The following THBS4 variants were observed in gnomAD, a reference collection of about 807,000 sequenced individuals.
THBS4 encodes thrombospondin 4.
In THBS4, 90 loss-of-function variants were observed where a neutral mutation model predicts 115.7. The observed-to-expected ratio is 0.78, with a 90% CI of 0.66 to 0.93. The LOEUF (loss-of-function observed/expected upper bound fraction) is 0.93, where lower values mean the gene tolerates loss of function less well. Among genes scored for constraint, THBS4 ranks in the 40% least tolerant of loss-of-function variants. The pLI is 0.00. For synonymous variants in THBS4, 460 were observed against 479.3 expected (o/e 0.96, Z 0.53); for missense variants, 1,087 against 1,232.7 (o/e 0.88, Z 1.77).
intron 5 of THBS4, 94 bp downstream of exon 5, chr5:80,058,884 G>T: frequency 8.0e-7 from 1 of 1,242,616 alleles, no homozygotes. Context: ...AGGCACGGGG[G>T]CAGCCTCTGA....
At chr5:80,052,224 TA>T (rs1260063577) in intron 2 of THBS4, 2 of 152,228 alleles carry the variant, frequency 1.3e-5, no homozygotes, top group Admixed American at 6.5e-5. Flanking sequence ...TATATGGTTC[TA>T]ATTTCCAGCT....
intron 1 of THBS4, among the ~76,000 whole-genome samples, chr5:80,039,683 GA>G (rs1832831375): frequency 6.6e-6 from 1 of 152,214 alleles, no homozygotes; most frequent in East Asian, 1.9e-4. Context: ...CTCCGTGACA[GA>G]AATTCACTGC....
At chr5:80,079,606 A>G (rs1456398365) in intron 19 of THBS4, among the ~76,000 whole-genome samples, 3 of 152,246 alleles carry the variant, frequency 2.0e-5, no homozygotes, top group Non-Finnish European at 2.9e-5. Flanking sequence ...CTGCTAGGAC[A>G]CAAGGCTGAC....
chr5:80,047,345 C>A (rs1833101450), intron 2 of THBS4, among the ~76,000 whole-genome samples: 1 of 152,140 alleles, frequency 6.6e-6, no homozygotes, highest in Non-Finnish European at 1.5e-5. Flanking sequence ...AAAAGAGTCA[C>A]CAAAAGAGCA....
intron 2 of THBS4, among the ~76,000 whole-genome samples, chr5:80,023,693 T>A (rs1324926648): frequency 6.6e-6 from 1 of 152,162 alleles, no homozygotes; most frequent in East Asian, 1.9e-4. Flanking sequence ...CTATTTGGCT[T>A]ATGATTGTGG....
chr5:80,055,947 C>T lies in THBS4; in HGVS notation c.455C>T (p.Ser152Phe). The T allele has an allele frequency of 6.2e-7, 1 of 1,614,198 alleles. No homozygotes were observed. Among genetic ancestry groups the T allele is most frequent in the East Asian group, 2.2e-5 (1 of 44,876 alleles). Reference sequence around the variant, plus strand: ...TACCTGGACTGCATCCAGGTGGATTCCGTTCACAATCTCCCCAGGGCCTTT... The same window carrying T: ...TACCTGGACTGCATCCAGGTGGATTTCGTTCACAATCTCCCCAGGGCCTTT... The part of the protein sequence containing the change: ...ELYLDCIQVD[S>F]VHNLPRAFAG... The change falls in exon 3 of 22, where the codon TCC becomes TTC. Residue 152 changes from serine to phenylalanine, a missense_variant. Ser to Phe is a radical substitution (Grantham distance 155). Transcript: ENST00000350881.
chr5:80,064,730 TCAA>T (rs768683234), intron 8 of THBS4, among the ~76,000 whole-genome samples: 6 of 151,998 alleles, frequency 3.9e-5, no homozygotes, highest in East Asian at 1.9e-4. Context: ...AGACCCTGTC[TCAA>T]CAACAACAAC....
intron 7 of THBS4, 81 bp from the exon 8 acceptor site, chr5:80,061,614 C>A: frequency 1.4e-6 from 2 of 1,465,072 alleles, no homozygotes; most frequent in South Asian, 1.4e-5. Context: ...AATGACTAAA[C>A]AAGTATGTGC....
chr5:80,044,515 T>G, intron 2 of THBS4, among the ~76,000 whole-genome samples: 1 of 152,110 alleles, frequency 6.6e-6, no homozygotes, highest in East Asian at 1.9e-4. Context: ...CTCTGCCTCC[T>G]AGGTTCGACT....
rs567115646 is a variant in THBS4, at chr5:80,059,749, G to C, written c.831G>C (p.Pro277=). Residue 277 remains proline, a synonymous_variant, in exon 7 of 22, where the codon CCG becomes CCC. Coordinates refer to ENST00000350881, the MANE Select transcript of THBS4 (RefSeq NM_003248.6). The part of the protein sequence containing the change: ...QSPTPSTVVP[P]APPAPPTRPP... ...CGACCCCAAGCACGGTGGTGCCCCCGGCTCCCCCTGCACCGCCAACACGCC... is the reference window on the plus strand; with the variant it reads ...CGACCCCAAGCACGGTGGTGCCCCCCGCTCCCCCTGCACCGCCAACACGCC... 1.2e-6 allele frequency: 2 copies of C among 1,614,076 alleles called. No homozygotes were observed. The highest frequency in any genetic ancestry group is 2.2e-5 in the East Asian group (1 of 44,882).
At chr5:80,002,065 T>C (rs151019418) in intron 2 of THBS4, among the ~76,000 whole-genome samples, 116 of 152,190 alleles carry the variant, frequency 7.6e-4, no homozygotes, top group African/African-American at 2.7e-3. Context: ...GAACTTTGAG[T>C]CCAATGATTA....
chr5:80,066,443 A>C (rs1331583062), intron 9 of THBS4: 1 of 152,192 alleles, frequency 6.6e-6, no homozygotes, highest in Non-Finnish European at 1.5e-5. Context: ...AGGGACAGAA[A>C]TATTACATCA....
intron 2 of THBS4, among the ~76,000 whole-genome samples, chr5:80,041,410 G>A (rs1832897289): frequency 6.6e-6 from 1 of 152,142 alleles, no homozygotes; most frequent in Non-Finnish European, 1.5e-5. Context: ...GAAGGGGACA[G>A]ATACAAACAT....
At chr5:80,068,287 G>C (rs751668561) in intron 10 of THBS4, among the ~76,000 whole-genome samples, 162 bp downstream of exon 10, 2 of 152,182 alleles carry the variant, frequency 1.3e-5, no homozygotes, top group Non-Finnish European at 2.9e-5. Flanking sequence ...GAGTTTGTGG[G>C]GAGCAGCCTG....
chr5:80,062,673 A>G (rs571442499), intron 8 of THBS4, among the ~76,000 whole-genome samples: 31 of 152,172 alleles, frequency 2.0e-4, no homozygotes, highest in African/African-American at 6.5e-4. Flanking sequence ...TCCTAATGCT[A>G]TCCTTCCCCC....
upstream of THBS4, among the ~76,000 whole-genome samples, chr5:80,032,296 AT>A (rs1832600915): frequency 6.6e-6 from 1 of 152,180 alleles, no homozygotes; most frequent in Non-Finnish European, 1.5e-5. Flanking sequence ...GCAAAACCAG[AT>A]TGTAAATTCT....
intron 7 of THBS4, among the ~76,000 whole-genome samples, chr5:80,061,086 T>C (rs1368667989): frequency 1.3e-5 from 2 of 152,212 alleles, no homozygotes; most frequent in Non-Finnish European, 2.9e-5. Flanking sequence ...CTGGTTTTTA[T>C]CTGTGAGGTA....
chr5:80,055,684 G>C, intron 2 of THBS4, 101 bp from the exon 3 acceptor site: 1 of 1,477,910 alleles, frequency 6.8e-7, no homozygotes, highest in Admixed American at 2.1e-5. Flanking sequence ...CTTGTTACCA[G>C]GAGGCTGTTC....
intron 2 of THBS4, among the ~76,000 whole-genome samples, chr5:80,023,561 A>T (rs888466153): frequency 1.3e-5 from 2 of 152,236 alleles, no homozygotes; most frequent in Admixed American, 6.5e-5. Flanking sequence ...TTGGGTGATA[A>T]TAGATTAACA....
Sources: gnomAD v4.1 joint callset for allele counts (sites outside exome capture counted in the v4.1 genomes callset) on GRCh38, gnomAD v4.1.1 for gene constraint, MANE v1.5 for transcripts, NCBI Gene and HGNC (gene_info 2026-07-23, HGNC 2026-07-21) for gene names.